Variants in ABCG2 observed in about 807,000 individuals in gnomAD.
ABCG2 encodes the protein broad substrate specificity ATP-binding cassette transporter ABCG2.
ABCG2 carries 80 observed loss-of-function variants against 73.5 expected under a neutral mutation model. The ratio of observed to expected loss-of-function variants is 1.09; its 90% CI spans 0.91 to 1.31. ABCG2 has a LOEUF of 1.31. ABCG2 is among the 50% of genes most tolerant of loss of function. The pLI, the probability that ABCG2 is intolerant of heterozygous loss-of-function variation, is 0.00. For missense variants in ABCG2, 796 were observed against 786.2 expected, an observed-to-expected ratio of 1.01 and a Z score of -0.15; for synonymous variants, 269 against 282.4, an observed-to-expected ratio of 0.95 and a Z score of 0.48.
At chr4:88,150,311 G>A (rs1437332998) in intron 1 of ABCG2, among the ~76,000 whole-genome samples, 2 of 152,178 alleles carry the variant, frequency 1.3e-5, no homozygotes, top group African/African-American at 2.4e-5. Context: ...AGGTGGTCAC[G>A]GAAGGCCTTT....
intron 1 of ABCG2, among the ~76,000 whole-genome samples, chr4:88,230,372 C>T (rs1251262234): frequency 7.1e-6 from 1 of 140,420 alleles, no homozygotes; most frequent in Non-Finnish European, 1.5e-5. Context: ...CTCGCACTGT[C>T]GCCGCACCCG....
intron 1 of ABCG2, among the ~76,000 whole-genome samples, chr4:88,212,455 A>G (rs1383767511): frequency 8.6e-5 from 13 of 151,676 alleles, no homozygotes. Flanking sequence ...TCTCCCCAGC[A>G]CTCTGGCCTC....
At chr4:88,115,256 C>CTCTCTCTCTA (rs1309360818) in intron 7 of ABCG2, among the ~76,000 whole-genome samples, 198 bp from the exon 8 acceptor site, 1 of 69,872 alleles carries the variant, frequency 1.4e-5, no homozygotes, top group African/African-American at 5.6e-5. Context: ...CTCTCTCTCT[C>CTCTCTCTCTA]TATATATATA....
chr4:88,167,370 C>CTTTTTTTTTT (rs551648302), intron 1 of ABCG2, among the ~76,000 whole-genome samples: 1 of 101,446 alleles, frequency 9.9e-6, no homozygotes, highest in Non-Finnish European at 1.9e-5. Context: ...TCCCTTCTGC[C>CTTTTTTTTTT]TTTTTTTTTT....
chr4:88,191,340 AG>A (rs1262551982), intron 1 of ABCG2, among the ~76,000 whole-genome samples: 1 of 151,806 alleles, frequency 6.6e-6, no homozygotes, highest in Non-Finnish European at 1.5e-5. Flanking sequence ...ATGGCCAACA[AG>A]TACATGAAAA....
Position 88,092,127 on chromosome 4 carries a change from A to T in ABCG2, c.*107T>A. ...TTTAAAACAATTGCTGCTGTGCAAC[A>T]GTGTGATGGCAAGGGAACAGAAAAC... On this transcript the variant is annotated 3_prime_UTR_variant, in exon 16 of 16. Coordinates refer to ENST00000237612, the MANE Select transcript of ABCG2 (RefSeq NM_004827.3). 1 of 992,582 alleles carries T rather than the reference A, an allele frequency of 1.0e-6. No homozygotes were observed. Among genetic ancestry groups the T allele is most frequent in the Non-Finnish European group, 1.5e-6 (1 of 679,146 alleles). The allele number at this position is 992,582 out of a possible 1,614,324, so 61.5% of individuals were successfully genotyped here.
At chr4:88,106,103 C>T (rs573785418) in intron 10 of ABCG2, among the ~76,000 whole-genome samples, 3 of 152,014 alleles carry the variant, frequency 2.0e-5, no homozygotes, top group South Asian at 4.2e-4. Flanking sequence ...GGTATATATC[C>T]GAAGAATTGA....
At chr4:88,172,578 A>AGG (rs199535936) in intron 1 of ABCG2, among the ~76,000 whole-genome samples, 1 of 14,934 alleles carries the variant, frequency 6.7e-5, no homozygotes, top group Non-Finnish European at 3.4e-4. Context: ...ACTCTGTCTC[A>AGG]GGGAAAAAAA....
At position 88,139,007 on chromosome 4, in the gene ABCG2, G is replaced by T. The variant is rs189366026; in HGVS notation, c.203+786C>A. Among the ~76,000 whole-genome samples, 3 of 152,056 alleles carry T rather than the reference G, an allele frequency of 2.0e-5. No homozygotes were observed. The East Asian group carries it at 5.9e-4, about 30-fold the overall frequency. On this transcript the variant is annotated intron_variant, in intron 2 of 15. Coordinates refer to ENST00000237612, the MANE Select transcript of ABCG2 (RefSeq NM_004827.3). ...AATACAAAAATTAGCCAGGCATGGT[G>T]GCACACACCTGTAATCCCAGCTACT... is the stretch of plus-strand genomic sequence containing the variant.
chr4:88,202,376 A>ATATATATATATATATG (rs1176057791), intron 1 of ABCG2, among the ~76,000 whole-genome samples: 4 of 128,574 alleles, frequency 3.1e-5, no homozygotes, highest in Admixed American at 8.0e-5. Flanking sequence ...ATATATATAT[A>ATATATATATATATATG]TGTATATTTT....
intron 1 of ABCG2, among the ~76,000 whole-genome samples, chr4:88,194,473 C>T (rs1377229215): frequency 1.5e-5 from 2 of 135,164 alleles, no homozygotes; most frequent in Non-Finnish European, 3.1e-5. Flanking sequence ...TGGCGTGAAC[C>T]TGGGAGGCGG....
intron 1 of ABCG2, among the ~76,000 whole-genome samples, chr4:88,154,922 C>T (rs1726830494): frequency 6.6e-6 from 1 of 152,194 alleles, no homozygotes; most frequent in African/African-American, 2.4e-5. Context: ...TGCACGGAGA[C>T]ATGATGGCTA....
At chr4:88,177,336 G>A (rs1728041062) in intron 1 of ABCG2, among the ~76,000 whole-genome samples, 1 of 151,640 alleles carries the variant, frequency 6.6e-6, no homozygotes, top group South Asian at 2.1e-4. Context: ...ATTGGCCACG[G>A]CACTCCAGCC....
chr4:88,097,346 C>A, intron 13 of ABCG2, 107 bp downstream of exon 13: 1 of 1,277,558 alleles, frequency 7.8e-7, no homozygotes, highest in Non-Finnish European at 1.1e-6. Flanking sequence ...AAAGCAGAGC[C>A]CCATTTACAG....
upstream of ABCG2, chr4:88,159,021 C>T (rs1019425317): frequency 2.6e-6 from 1 of 389,146 alleles, no homozygotes; most frequent in Admixed American, 3.0e-5. Context: ...CGGCTGAAAG[C>T]GCACACGTGT....
At chr4:88,145,656 C>A (rs777474165) in intron 1 of ABCG2, among the ~76,000 whole-genome samples, 1 of 152,024 alleles carries the variant, frequency 6.6e-6, no homozygotes, top group Non-Finnish European at 1.5e-5. Flanking sequence ...CACTCTGGGC[C>A]AGGCCAGGTG....
chr4:88,105,759 C>T (rs1482447404), intron 10 of ABCG2, among the ~76,000 whole-genome samples: 1 of 152,164 alleles, frequency 6.6e-6, no homozygotes, highest in Admixed American at 6.5e-5. Flanking sequence ...AGACAACCCA[C>T]AGAGTGGGGA....
At chr4:88,207,162 C>A (rs1324034199) in intron 1 of ABCG2, among the ~76,000 whole-genome samples, 6 of 152,192 alleles carry the variant, frequency 3.9e-5, no homozygotes, top group Non-Finnish European at 8.8e-5. Flanking sequence ...CCACACTCTT[C>A]ATAATCCAAT....
At chr4:88,122,672 T>C (rs1462867791) in intron 5 of ABCG2, among the ~76,000 whole-genome samples, 1 of 152,158 alleles carries the variant, frequency 6.6e-6, no homozygotes, top group Non-Finnish European at 1.5e-5. Flanking sequence ...GTCAGGGGTA[T>C]ATAGATAAAA....
Sources: gnomAD v4.1 joint callset for allele counts (sites outside exome capture counted in the v4.1 genomes callset) on GRCh38, gnomAD v4.1.1 for gene constraint, MANE v1.5 for transcripts, NCBI Gene and HGNC (gene_info 2026-07-23, HGNC 2026-07-21) for gene names.